NR3C1: variants seen among roughly 807,000 people sequenced by gnomAD.
NR3C1 encodes the protein glucocorticoid receptor.
A neutral mutation model predicts 74.0 loss-of-function variants in NR3C1; 14 were observed. That is an observed-to-expected ratio of 0.19 (90% CI 0.12 to 0.30). The LOEUF is 0.30. Ranked by LOEUF, NR3C1 falls within the 10% of genes least tolerant of loss-of-function variation. The pLI, the probability that NR3C1 is intolerant of heterozygous loss-of-function variation, is 1.00. For synonymous variants in NR3C1, 308 were observed against 332.5 expected, an observed-to-expected ratio of 0.93 and a Z score of 0.80; for missense variants, 695 against 909.8, an observed-to-expected ratio of 0.76 and a Z score of 3.04.
At chr5:143,307,915 T>C (rs1172817157) in intron 4 of NR3C1, among the ~76,000 whole-genome samples, 1 of 152,206 alleles carries the variant, frequency 6.6e-6, no homozygotes, top group African/African-American at 2.4e-5. Context: ...GTGTGCATTT[T>C]TTAGTTAATC....
rs144914796 is a variant in NR3C1 at position 143,410,278 on chromosome 5, C to G, written c.-13-9426G>C. ...GGAATCTTTCAGCTCATTTGAGAACCTGCATTTCCATTTTGGTTCTTATAT... is the reference window on the plus strand; with the variant it reads ...GGAATCTTTCAGCTCATTTGAGAACGTGCATTTCCATTTTGGTTCTTATAT... On this transcript the variant is annotated intron_variant, in intron 1 of 8. Transcript: ENST00000343796. 1.0e-3 allele frequency among the ~76,000 whole-genome samples: 154 copies of G among 152,240 alleles called. 3 individuals carry two copies. In the East Asian group the frequency reaches 0.022, roughly 22 times the overall value.
chr5:143,357,382 T>C (rs1439366077), intron 2 of NR3C1, among the ~76,000 whole-genome samples: 2 of 152,214 alleles, frequency 1.3e-5, no homozygotes, highest in Non-Finnish European at 2.9e-5. Flanking sequence ...TTAACAAAAC[T>C]ATATATGGTA....
chr5:143,420,227 C>T (rs1478868470), intron 1 of NR3C1, among the ~76,000 whole-genome samples: 2 of 152,072 alleles, frequency 1.3e-5, no homozygotes, highest in Non-Finnish European at 2.9e-5. Flanking sequence ...GGTCCTGAGG[C>T]AACATACATC....
At chr5:143,376,216 T>C (rs192650807) in intron 2 of NR3C1, among the ~76,000 whole-genome samples, 35 of 152,238 alleles carry the variant, frequency 2.3e-4, no homozygotes, top group Admixed American at 1.8e-3. Flanking sequence ...GAGAAATACA[T>C]TGATGAGATG....
At chr5:143,345,452 C>T (rs1366567702) in intron 2 of NR3C1, among the ~76,000 whole-genome samples, 2 of 152,170 alleles carry the variant, frequency 1.3e-5, no homozygotes, top group Admixed American at 6.5e-5. Context: ...TCCAGTGACC[C>T]GCCTGCCTTG....
chr5:143,405,676 A>G (rs1314833370), upstream of NR3C1, among the ~76,000 whole-genome samples: 1 of 152,190 alleles, frequency 6.6e-6, no homozygotes, highest in Non-Finnish European at 1.5e-5. Context: ...CACCTCGGAA[A>G]AGAAGAGGGA....
chr5:143,390,810 G>A (rs141890522), intron 2 of NR3C1, among the ~76,000 whole-genome samples: 1 of 152,214 alleles, frequency 6.6e-6, no homozygotes, highest in African/African-American at 2.4e-5. Flanking sequence ...ATTCGAGAGA[G>A]GATTAAATTT....
intron 6 of NR3C1, among the ~76,000 whole-genome samples, chr5:143,296,395 A>G (rs1817204331): frequency 6.6e-6 from 1 of 151,916 alleles, no homozygotes; most frequent in Non-Finnish European, 1.5e-5. Flanking sequence ...ATTAGACATG[A>G]CTTATATGCT....
intron 2 of NR3C1, among the ~76,000 whole-genome samples, chr5:143,371,653 G>A (rs1834253407): frequency 6.6e-6 from 1 of 152,174 alleles, no homozygotes; most frequent in African/African-American, 2.4e-5. Flanking sequence ...GGGTATCATT[G>A]GCCAATATGT....
chr5:143,391,013 T>G (rs1276562870), intron 2 of NR3C1, among the ~76,000 whole-genome samples: 1 of 152,140 alleles, frequency 6.6e-6, no homozygotes, highest in Admixed American at 6.5e-5. Context: ...AGGTGGAAAC[T>G]TAGAACATTT....
intron 2 of NR3C1, among the ~76,000 whole-genome samples, chr5:143,350,330 T>C (rs1392545028): frequency 6.6e-6 from 1 of 152,114 alleles, no homozygotes; most frequent in Admixed American, 6.6e-5. Flanking sequence ...CAGTTAAGAA[T>C]ATAAGTAGAA....
chr5:143,409,208 G>A (rs1841214613), intron 1 of NR3C1: 1 of 152,166 alleles, frequency 6.6e-6, no homozygotes, highest in South Asian at 2.1e-4. Flanking sequence ...GATCAGTTGA[G>A]ATCGATATTG....
chr5:143,347,063 C>T (rs2151765205), intron 2 of NR3C1, among the ~76,000 whole-genome samples: 1 of 152,306 alleles, frequency 6.6e-6, no homozygotes, highest in African/African-American at 2.4e-5. Flanking sequence ...ACTTTCCTCC[C>T]TGCCTGTCTC....
At chr5:143,333,740 C>T (rs1418858280) in intron 2 of NR3C1, among the ~76,000 whole-genome samples, 3 of 152,082 alleles carry the variant, frequency 2.0e-5, no homozygotes, top group African/African-American at 7.2e-5. Flanking sequence ...TGCACTCCAG[C>T]TGGGCGACAG....
At chr5:143,364,263 T>C (rs912633523) in intron 2 of NR3C1, among the ~76,000 whole-genome samples, 4 of 152,234 alleles carry the variant, frequency 2.6e-5, no homozygotes, top group African/African-American at 7.2e-5. Flanking sequence ...AAGAATTACA[T>C]GTCAACCAAG....
intron 2 of NR3C1, among the ~76,000 whole-genome samples, chr5:143,331,685 A>G (rs1825974249): frequency 6.6e-6 from 1 of 152,240 alleles, no homozygotes; most frequent in African/African-American, 2.4e-5. Context: ...ACAGGAATAG[A>G]AAACCAAATA....
upstream of NR3C1, among the ~76,000 whole-genome samples, chr5:143,406,595 T>G (rs1047462338): frequency 6.6e-6 from 1 of 152,200 alleles, no homozygotes; most frequent in Non-Finnish European, 1.5e-5. Flanking sequence ...GTGGCTAACA[T>G]TTATTGATCC....
intron 6 of NR3C1, 116 bp downstream of exon 6, chr5:143,298,552 G>T: frequency 8.6e-7 from 1 of 1,162,642 alleles, no homozygotes; most frequent in Non-Finnish European, 1.3e-6. Flanking sequence ...CTAGATCCTA[G>T]ATACCTAGTA....
intron 2 of NR3C1, among the ~76,000 whole-genome samples, chr5:143,342,471 T>C (rs1045493566): frequency 6.6e-6 from 1 of 152,244 alleles, no homozygotes; most frequent in African/African-American, 2.4e-5. Context: ...CAATGCATTC[T>C]GTTGTTGCTC....
Sources: gnomAD v4.1 joint callset for allele counts (sites outside exome capture counted in the v4.1 genomes callset) on GRCh38, gnomAD v4.1.1 for gene constraint, MANE v1.5 for transcripts, NCBI Gene and HGNC (gene_info 2026-07-23, HGNC 2026-07-21) for gene names.